The following LRRC8C variants were observed in gnomAD, a reference collection of about 807,000 sequenced individuals.
LRRC8C encodes the protein volume-regulated anion channel subunit LRRC8C.
In LRRC8C, 20 loss-of-function variants were observed where a neutral mutation model predicts 55.3. The observed-to-expected ratio is 0.36, with a 90% confidence interval of 0.25 to 0.53. The LOEUF is 0.53. LRRC8C is among the 20% of genes least tolerant of loss of function. The probability of loss-of-function intolerance (pLI) is 0.92; values close to 1 mark genes in which losing one functional copy is unlikely to be tolerated. For missense variants in LRRC8C, 659 were observed against 951.4 expected, an observed-to-expected ratio of 0.69 and a Z score of 4.04; for synonymous variants, 376 against 360.7, an observed-to-expected ratio of 1.04 and a Z score of -0.48.
intron 1 of LRRC8C, among the ~76,000 whole-genome samples, chr1:89,656,681 A>G (rs1656951706): frequency 6.6e-6 from 1 of 152,206 alleles, no homozygotes; most frequent in Non-Finnish European, 1.5e-5. Context: ...GAGGCAATGG[A>G]AAAAATAGCA....
At chr1:89,644,606 C>G (rs1656562674) in intron 1 of LRRC8C, among the ~76,000 whole-genome samples, 1 of 152,216 alleles carries the variant, frequency 6.6e-6, no homozygotes, top group Non-Finnish European at 1.5e-5. Context: ...CAGCTACTAA[C>G]TCTCATACCT....
upstream of LRRC8C, among the ~76,000 whole-genome samples, chr1:89,630,031 G>A (rs1184671581): frequency 1.3e-5 from 2 of 152,188 alleles, no homozygotes; most frequent in East Asian, 1.9e-4. Flanking sequence ...TTAGCTGGGC[G>A]TGGTGGCGGG....
At chr1:89,695,071 G>A (rs575096469) in intron 2 of LRRC8C, among the ~76,000 whole-genome samples, 7 of 150,830 alleles carry the variant, frequency 4.6e-5, no homozygotes, top group Non-Finnish European at 3.0e-5. Context: ...ACAGACGTGA[G>A]CCACCATGCC....
intron 1 of LRRC8C, among the ~76,000 whole-genome samples, chr1:89,669,629 C>T (rs796220925): frequency 2.6e-5 from 4 of 152,270 alleles, no homozygotes; most frequent in Middle Eastern, 6.8e-3. Context: ...TTCTTTTCCC[C>T]ATTCTCAAGA....
At chr1:89,638,873 T>C (rs1027448792) in intron 1 of LRRC8C, among the ~76,000 whole-genome samples, 18 of 152,132 alleles carry the variant, frequency 1.2e-4, no homozygotes, top group African/African-American at 4.1e-4. Flanking sequence ...GCTGTGGTAT[T>C]ATTCATTCTT....
At chr1:89,704,103 G>A (rs1658405601) in intron 2 of LRRC8C, among the ~76,000 whole-genome samples, 1 of 152,074 alleles carries the variant, frequency 6.6e-6, no homozygotes, top group Non-Finnish European at 1.5e-5. Flanking sequence ...ATATATTTGA[G>A]TTTTCTAATA....
At chr1:89,640,486 T>A (rs963095973) in intron 1 of LRRC8C, among the ~76,000 whole-genome samples, 16 of 152,260 alleles carry the variant, frequency 1.1e-4, no homozygotes, top group African/African-American at 3.6e-4. Context: ...ATGAAAGATA[T>A]ATCCTATAAA....
Position 89,714,518 on chromosome 1 carries a change from A to G in LRRC8C, c.1948A>G (p.Thr650Ala), listed in dbSNP as rs113075842. ...TVLKLWHNSI[T>A]YIPEHIKKLT... ...GCTAAAACTGTGGCATAACAGCATC[A>G]CCTACATCCCAGAGCATATAAAGAA... The change falls in exon 3 of 3, where the codon ACC (threonine) becomes GCC (alanine). Residue 650 changes from threonine (T) to alanine (A), a missense_variant. Thr to Ala is a moderately conservative substitution (Grantham distance 58, BLOSUM62 0). Around this residue, in one of 5 missense-constraint regions of LRRC8C, gnomAD observed 344 missense variants for 464.6 expected, o/e 0.74. Coordinates refer to ENST00000370454, the MANE Select transcript of LRRC8C (RefSeq NM_032270.5). This position sits in a 1 kb window ranked among gnomAD's most constrained non-coding sequence, Gnocchi z 4.6. The G allele has an allele frequency of 1.2e-6, 2 of 1,614,158 alleles. No homozygotes were observed. The highest frequency in any genetic ancestry group is 1.7e-6 in the Non-Finnish European group (2 of 1,180,014).
At chr1:89,704,203 C>A (rs998512968) in intron 2 of LRRC8C, among the ~76,000 whole-genome samples, 3 of 152,138 alleles carry the variant, frequency 2.0e-5, no homozygotes, top group Non-Finnish European at 4.4e-5. Flanking sequence ...TTGCAATGAA[C>A]CCGCCAACCT....
At chr1:89,616,741 A>T in the LRRC8C span, among the ~76,000 whole-genome samples, 1 of 152,352 alleles carries the variant, frequency 6.6e-6, no homozygotes, top group South Asian at 2.1e-4. Flanking sequence ...AAAGGAGAGC[A>T]TAAAGTTTAA....
chr1:89,620,436 T>G, the LRRC8C span, among the ~76,000 whole-genome samples: 1 of 151,912 alleles, frequency 6.6e-6, no homozygotes, highest in African/African-American at 2.4e-5. Flanking sequence ...GAGAGTATAG[T>G]GATAAGGACA....
chr1:89,703,219 C>G (rs944628790), intron 2 of LRRC8C, among the ~76,000 whole-genome samples: 1 of 152,050 alleles, frequency 6.6e-6, no homozygotes, highest in African/African-American at 2.4e-5. Context: ...AGATTGCGCA[C>G]TAAATAACAC....
intron 1 of LRRC8C, among the ~76,000 whole-genome samples, chr1:89,636,857 G>A (rs1656301599): frequency 6.6e-6 from 1 of 152,022 alleles, no homozygotes; most frequent in African/African-American, 2.4e-5. Flanking sequence ...ATTTTTCCAG[G>A]TAATATATTT....
chr1:89,649,529 T>G (rs185251437), intron 1 of LRRC8C, among the ~76,000 whole-genome samples: 2 of 152,188 alleles, frequency 1.3e-5, no homozygotes, highest in African/African-American at 4.8e-5. Context: ...AGATTTTTTT[T>G]AAGATTTTCT....
In LRRC8C at chr1:89,650,905, C is replaced by T. The variant is rs186341709; in HGVS notation, c.-5+17583C>T. On this transcript the variant is annotated intron_variant, in intron 1 of 2. Coordinates refer to ENST00000370454, the MANE Select transcript of LRRC8C (RefSeq NM_032270.5). ...ACTTCTTAGAGCTCAAACAGCTCTCCAAGCTCTCAACTTAGATGGCAAGTC... is the reference window on the plus strand; with the variant it reads ...ACTTCTTAGAGCTCAAACAGCTCTCTAAGCTCTCAACTTAGATGGCAAGTC... Among the ~76,000 whole-genome samples the T allele has an allele frequency of 1.3e-4, 20 of 152,280 alleles. No individual in the cohort carries two copies. The East Asian group carries it at 3.3e-3, about 25-fold the overall frequency.
intron 1 of LRRC8C, among the ~76,000 whole-genome samples, chr1:89,658,656 A>G (rs1250009128): frequency 6.6e-6 from 1 of 152,214 alleles, no homozygotes; most frequent in East Asian, 1.9e-4. Flanking sequence ...AAACTACACA[A>G]TTGATATAAA....
intron 1 of LRRC8C, among the ~76,000 whole-genome samples, chr1:89,675,607 G>T (rs540475749): frequency 6.6e-6 from 1 of 152,340 alleles, no homozygotes; most frequent in Admixed American, 6.5e-5. Context: ...AATCATTACA[G>T]ATTTCCCCAG....
intron 1 of LRRC8C, among the ~76,000 whole-genome samples, chr1:89,637,881 G>A (rs1036856137): frequency 6.6e-6 from 1 of 152,098 alleles, no homozygotes; most frequent in African/African-American, 2.4e-5. Flanking sequence ...GTGAATTTAG[G>A]ATCATTTTCT....
At position 89,718,912 on chromosome 1, in the gene LRRC8C, C is replaced by T. The variant is rs561862345; in HGVS notation, c.*3930C>T. On this transcript the variant is annotated 3_prime_UTR_variant, in exon 3 of 3. Coordinates refer to ENST00000370454, the MANE Select transcript of LRRC8C (RefSeq NM_032270.5). ...GATCAAGAAAATTTTCTCATCTTTT[C>T]TTTCTACTTAGAAACATTGCAAGAA... is the stretch of plus-strand genomic sequence containing the variant. 6.6e-5 allele frequency: 10 copies of T among 152,236 alleles called. No homozygotes were observed. The highest frequency in any genetic ancestry group is 6.5e-4 in the Admixed American group (10 of 15,292). 9.4% of individuals were successfully genotyped at this position (152,236 alleles called of 1,614,324 possible).
Sources: gnomAD v4.1 joint callset for allele counts (sites outside exome capture counted in the v4.1 genomes callset) on GRCh38, gnomAD v4.1.1 for gene constraint, gnomAD v4.1.1 regional missense constraint, Gnocchi (gnomAD v3.1) non-coding constraint, MANE v1.5 for transcripts, NCBI Gene and HGNC (gene_info 2026-07-23, HGNC 2026-07-21) for gene names.